Variants in SPAG9 observed in about 807,000 individuals in gnomAD.
SPAG9 encodes the protein sperm associated antigen 9.
A neutral mutation model predicts 166.5 loss-of-function variants in SPAG9; 35 were observed. The ratio of observed to expected loss-of-function variants is 0.21; its 90% CI spans 0.16 to 0.28. The LOEUF (loss-of-function observed/expected upper bound fraction) is 0.28. Among genes scored for constraint, SPAG9 ranks in the 10% least tolerant of loss-of-function variants. The pLI, the probability that SPAG9 is intolerant of heterozygous loss-of-function variation, is 1.00. For missense variants in SPAG9, 1,235 were observed against 1,603.3 expected (o/e 0.77, Z 3.92); for synonymous variants, 534 against 565.5 (o/e 0.94, Z 0.79).
At chr17:51,021,463 AT>A (rs199958908) in intron 6 of SPAG9, 98 bp from the exon 7 acceptor site, 173 of 1,033,620 alleles carry the variant, frequency 1.7e-4, no homozygotes, top group East Asian at 3.8e-4. Flanking sequence ...AGAAAGTTCT[AT>A]TTTTTTTTCC....
chr17:51,081,063 C>A (rs1040481396), intron 1 of SPAG9, among the ~76,000 whole-genome samples: 1 of 152,062 alleles, frequency 6.6e-6, no homozygotes, highest in African/African-American at 2.4e-5. Context: ...ATATCCAATC[C>A]ATCAGCAAAT....
intron 5 of SPAG9, among the ~76,000 whole-genome samples, chr17:51,032,114 A>G (rs1220943250): frequency 1.3e-5 from 2 of 152,166 alleles, no homozygotes; most frequent in African/African-American, 4.8e-5. Flanking sequence ...TCATTTCTGA[A>G]TTAGTTAGAT....
rs767338099 is a variant in SPAG9, at chr17:50,970,892, T to C, written c.3701-36A>G. The C allele has an allele frequency of 3.9e-6, 6 of 1,557,630 alleles. No individual in the cohort carries two copies. The African/African-American group carries it at 4.1e-5, about 11-fold the overall frequency. On this transcript the variant is annotated intron_variant, in intron 28 of 29. Coordinates refer to ENST00000262013, the MANE Select transcript of SPAG9 (RefSeq NM_001130528.3). ...CAGAAACAAAAGTGAATATTACTTA[T>C]CACAGAAGGGAGGCTGTTTTGTTTT...
chr17:51,113,990 G>A (rs1477787244), intron 1 of SPAG9, among the ~76,000 whole-genome samples: 3 of 151,904 alleles, frequency 2.0e-5, no homozygotes, highest in South Asian at 2.1e-4. Context: ...GTGAGATCTC[G>A]TCTCAATCAA....
intron 5 of SPAG9, among the ~76,000 whole-genome samples, chr17:51,033,185 T>C (rs2046451224): frequency 6.6e-6 from 1 of 152,024 alleles, no homozygotes; most frequent in South Asian, 2.1e-4. Context: ...TTAATGTTTA[T>C]TTATAAGATC....
At chr17:51,074,398 A>T (rs1026408332) in intron 2 of SPAG9, among the ~76,000 whole-genome samples, 2 of 152,232 alleles carry the variant, frequency 1.3e-5, no homozygotes, top group African/African-American at 4.8e-5. Context: ...AGTCTGGGTG[A>T]CAGAGCAAGG....
intron 2 of SPAG9, among the ~76,000 whole-genome samples, chr17:51,063,699 C>T (rs1038899938): frequency 7.2e-5 from 11 of 152,044 alleles, no homozygotes; most frequent in Admixed American, 2.0e-4. Flanking sequence ...GCCTGGCCAA[C>T]ATGGTGAAAT....
At chr17:50,974,668 C>T in intron 28 of SPAG9, 103 bp downstream of exon 28, 1 of 968,698 alleles carries the variant, frequency 1.0e-6, no homozygotes, top group Non-Finnish European at 1.5e-6. Flanking sequence ...TTGAAATTAC[C>T]TGCAATTCGA....
At chr17:50,973,614 G>C (rs1322985934) in intron 28 of SPAG9, among the ~76,000 whole-genome samples, 2 of 152,102 alleles carry the variant, frequency 1.3e-5, no homozygotes, top group East Asian at 3.9e-4. Context: ...GTGTTAGCTC[G>C]ATACCCAGAT....
chr17:51,052,797 G>A (rs1443519018), intron 3 of SPAG9, among the ~76,000 whole-genome samples: 1 of 151,954 alleles, frequency 6.6e-6, no homozygotes, highest in Non-Finnish European at 1.5e-5. Context: ...GGTAGCTCAC[G>A]CCTGTAATCC....
Position 51,061,612 on chromosome 17 carries a change from C to CCAAAAAAAAAAAAAAA in SPAG9, c.425-5131_425-5130insTTTTTTTTTTTTTTTG, listed in dbSNP as rs34337438. 6.3e-5 allele frequency among the ~76,000 whole-genome samples: 2 copies of CCAAAAAAAAAAAAAAA among 31,726 alleles called. 1 individual carries two copies. The allele number at this position is 31,726 out of a possible 152,430, so 20.8% of individuals were successfully genotyped here. On this transcript the variant is annotated intron_variant, in intron 2 of 29. Transcript: ENST00000262013. The stretch of plus-strand genomic sequence containing the variant: ...GCAACAAGAGCGAAAGCTCTGTCTC[C>CCAAAAAAAAAAAAAAA]AAAAAAAAAAAAAAAAAAAAAAAAA...
chr17:51,015,704 GA>G (rs977201992), intron 8 of SPAG9, among the ~76,000 whole-genome samples: 2 of 143,340 alleles, frequency 1.4e-5, no homozygotes, highest in Admixed American at 7.1e-5. Context: ...CCAATAAAAA[GA>G]ATTTGGAAAA....
chr17:51,040,855 T>G (rs192481385), intron 5 of SPAG9, among the ~76,000 whole-genome samples: 3 of 152,330 alleles, frequency 2.0e-5, no homozygotes, highest in Non-Finnish European at 4.4e-5. Context: ...AAAAGATCTT[T>G]TATAATCAAT....
chr17:51,028,422 T>A (rs1400120489), intron 6 of SPAG9, among the ~76,000 whole-genome samples: 1 of 152,214 alleles, frequency 6.6e-6, no homozygotes, highest in Non-Finnish European at 1.5e-5. Context: ...GTAAGTGCCC[T>A]ATAGAGGTAT....
intron 2 of SPAG9, among the ~76,000 whole-genome samples, chr17:51,077,009 GCTAGCTAGCTAT>G (rs1227861664): frequency 0.066 from 4,567 of 69,370 alleles, 280 homozygotes; most frequent in African/African-American, 0.15. Flanking sequence ...TATCTAGCTA[GCTAGCTAGCTAT>G]CTAGCTATCT....
chr17:51,074,856 A>T (rs1014077087), intron 2 of SPAG9, among the ~76,000 whole-genome samples: 2 of 152,096 alleles, frequency 1.3e-5, no homozygotes, highest in Non-Finnish European at 2.9e-5. Flanking sequence ...ATGAAAAAAA[A>T]ATTGACATAC....
intron 1 of SPAG9, 49 bp from the exon 2 acceptor site, chr17:51,079,753 AT>A: frequency 8.0e-7 from 1 of 1,247,080 alleles, no homozygotes; most frequent in Middle Eastern, 2.6e-4. Context: ...TAAACTTTAC[AT>A]TTTCAACTCC....
At chr17:51,012,269 T>A (rs1232674621) in intron 9 of SPAG9, among the ~76,000 whole-genome samples, 2 of 152,070 alleles carry the variant, frequency 1.3e-5, no homozygotes, top group African/African-American at 4.8e-5. Context: ...AATGGAGTAT[T>A]CCTTAAGAAT....
chr17:51,010,705 T>C (rs1405038659), intron 9 of SPAG9, among the ~76,000 whole-genome samples: 1 of 151,802 alleles, frequency 6.6e-6, no homozygotes, highest in African/African-American at 2.4e-5. Context: ...AGCTATTCAT[T>C]CACTAAAACA....
Sources: allele counts gnomAD v4.1 joint callset (sites outside exome capture counted in the v4.1 genomes callset), GRCh38; gene constraint gnomAD v4.1.1; transcripts MANE v1.5; gene names NCBI Gene and HGNC (gene_info 2026-07-23, HGNC 2026-07-21).